Variants in OTUD7B observed in about 807,000 individuals in gnomAD.
OTUD7B encodes OTU deubiquitinase 7B.
A neutral mutation model predicts 82.2 loss-of-function variants in OTUD7B; 34 were observed. The observed-to-expected ratio is 0.41, with a 90% CI of 0.31 to 0.55. The LOEUF (loss-of-function observed/expected upper bound fraction) is 0.55, where lower values mean the gene tolerates loss of function less well. Among genes scored for constraint, OTUD7B ranks in the 20% least tolerant of loss-of-function variants. The pLI, the probability that OTUD7B is intolerant of heterozygous loss-of-function variation, is 0.20. For synonymous variants in OTUD7B, 398 were observed against 402.7 expected (o/e 0.99, Z 0.14); for missense variants, 944 against 1,062.1 (o/e 0.89, Z 1.55).
At chr1:149,984,779 T>A (rs1006803227) in intron 1 of OTUD7B, among the ~76,000 whole-genome samples, 2 of 152,204 alleles carry the variant, frequency 1.3e-5, no homozygotes, top group Non-Finnish European at 2.9e-5. Flanking sequence ...TAGTCCCCAA[T>A]CATCCAAGTC....
the OTUD7B span, among the ~76,000 whole-genome samples, chr1:150,035,957 GT>G: frequency 1.6e-4 from 21 of 134,232 alleles, no homozygotes; most frequent in Non-Finnish European, 2.0e-4. Context: ...CATTGTAACT[GT>G]TTTTTTTTTT....
At chr1:149,955,060 C>T (rs1319362683) in intron 7 of OTUD7B, among the ~76,000 whole-genome samples, 2 of 152,108 alleles carry the variant, frequency 1.3e-5, no homozygotes, top group Admixed American at 1.3e-4. Context: ...CTGCTCTGAT[C>T]TTAGTTATTT....
chr1:149,971,084 G>A lies in OTUD7B; in HGVS notation c.253C>T (p.Arg85Trp), dbSNP rs376031845. The change falls in exon 3 of 12, where the codon CGG becomes TGG. Residue 85 changes from arginine (R) to tryptophan (W), a missense_variant. Arg to Trp is a moderately radical substitution (Grantham distance 101). Transcript: ENST00000581312. ...PTRPPRPILQ[R>W]QDDIVQEKRL... is the part of the protein sequence containing the mutation. ...GTACCTTGAACGATGTCATCCTGCC[G>A]CTGGAGGATGGGTCGGGGAGGGCGA... 269 of 1,608,782 alleles carry A rather than the reference G, an allele frequency of 1.7e-4. No individual in the cohort carries two copies. The highest frequency in any genetic ancestry group is 2.2e-4 in the Non-Finnish European group (260 of 1,176,172).
At position 149,951,001 on chromosome 1, in the gene OTUD7B, T is replaced by TTTTTTTTTTTG. The variant is rs1388877490; in HGVS notation, c.846-781_846-780insCAAAAAAAAAA. The stretch of plus-strand genomic sequence containing the variant: ...TATTTTTTTTTTTTTTTTTTTTTTG[T>TTTTTTTTTTTG]AGATGGAGTCTCACTCTTTCGCCCA... On this transcript the variant is annotated intron_variant, in intron 7 of 11. Coordinates refer to ENST00000581312, the MANE Select transcript of OTUD7B (RefSeq NM_020205.4). Among the ~76,000 whole-genome samples, 123 of 63,586 alleles carry TTTTTTTTTTTG rather than the reference T, an allele frequency of 1.9e-3. 13 individuals are homozygous for TTTTTTTTTTTG. Among genetic ancestry groups the TTTTTTTTTTTG allele is most frequent in the Non-Finnish European group, 2.4e-3 (91 of 37,590 alleles). 41.7% of individuals were successfully genotyped at this position (63,586 alleles called of 152,430 possible).
chr1:150,006,464 A>T (rs776504663), intron 1 of OTUD7B, among the ~76,000 whole-genome samples: 1 of 152,214 alleles, frequency 6.6e-6, no homozygotes, highest in Non-Finnish European at 1.5e-5. Flanking sequence ...CTAAACCTCC[A>T]TAGCACCTAG....
At chr1:149,988,676 C>T (rs1405694474) in intron 1 of OTUD7B, among the ~76,000 whole-genome samples, 1 of 152,130 alleles carries the variant, frequency 6.6e-6, no homozygotes, top group Non-Finnish European at 1.5e-5. Flanking sequence ...TAAATAGAAA[C>T]AAGAATCATG....
upstream of OTUD7B, among the ~76,000 whole-genome samples, chr1:150,013,932 AAAAT>A (rs1406468644): frequency 1.7e-3 from 12 of 7,008 alleles, no homozygotes; most frequent in South Asian, 0.013. Flanking sequence ...AAAAAAAAAA[AAAAT>A]AATATATATA....
At chr1:150,000,188 G>C (rs1652182562) in intron 1 of OTUD7B, among the ~76,000 whole-genome samples, 1 of 152,142 alleles carries the variant, frequency 6.6e-6, no homozygotes, top group African/African-American at 2.4e-5. Context: ...AACAGGGCAA[G>C]TGGGAGCTGG....
the OTUD7B span, among the ~76,000 whole-genome samples, chr1:150,065,350 C>G: frequency 6.6e-6 from 1 of 152,180 alleles, no homozygotes; most frequent in Non-Finnish European, 1.5e-5. Context: ...GTTGGGATTA[C>G]AGGAGTAAGC....
intron 7 of OTUD7B, among the ~76,000 whole-genome samples, chr1:149,955,235 T>C (rs1648581062): frequency 6.6e-6 from 1 of 152,234 alleles, no homozygotes; most frequent in African/African-American, 2.4e-5. Flanking sequence ...GATTCTGGTA[T>C]GTTGTGTCTT....
the OTUD7B span, among the ~76,000 whole-genome samples, chr1:150,023,788 T>C: frequency 2.0e-5 from 3 of 152,248 alleles, no homozygotes; most frequent in Admixed American, 6.5e-5. Flanking sequence ...ATTTCAAATG[T>C]TCTTGCCACA....
chr1:150,032,245 G>A, the OTUD7B span, among the ~76,000 whole-genome samples: 1 of 151,626 alleles, frequency 6.6e-6, no homozygotes, highest in Non-Finnish European at 1.5e-5. Context: ...CCGGGAGGCG[G>A]AGGTTGCAGT....
chr1:150,024,156 T>C, the OTUD7B span, among the ~76,000 whole-genome samples: 1 of 152,234 alleles, frequency 6.6e-6, no homozygotes, highest in Non-Finnish European at 1.5e-5. Flanking sequence ...AAATATTCCA[T>C]TCCACAAGTT....
intron 7 of OTUD7B, among the ~76,000 whole-genome samples, chr1:149,950,999 T>TTTTTTTG: frequency 0.011 from 5 of 440 alleles, 1 homozygote; most frequent in Admixed American, 0.025. Context: ...TTTTTTTTTT[T>TTTTTTTG]GTAGATGGAG....
intron 2 of OTUD7B, among the ~76,000 whole-genome samples, chr1:149,972,784 C>T (rs370122915): frequency 2.2e-4 from 33 of 152,256 alleles, no homozygotes; most frequent in East Asian, 5.8e-4. Context: ...AATGCATGAA[C>T]GAGTGACATC....
chr1:150,046,744 T>C, the OTUD7B span, among the ~76,000 whole-genome samples: 22,539 of 150,260 alleles, frequency 0.15, 1,850 homozygotes, highest in African/African-American at 0.18. Flanking sequence ...CCACCACGTC[T>C]GGCCTCCAGT....
intron 10 of OTUD7B, among the ~76,000 whole-genome samples, chr1:149,947,825 T>C (rs61807552): frequency 0.016 from 2,438 of 152,188 alleles, 30 homozygotes; most frequent in Non-Finnish European, 0.026. Context: ...TTTGCATTCA[T>C]ACACTCTCCA....
chr1:149,999,278 T>C (rs1313658653), intron 1 of OTUD7B, among the ~76,000 whole-genome samples: 1 of 152,160 alleles, frequency 6.6e-6, no homozygotes, highest in East Asian at 1.9e-4. Context: ...TTGTGCCAAA[T>C]AGCCAGGAAT....
the OTUD7B span, among the ~76,000 whole-genome samples, chr1:150,019,728 G>A: frequency 2.6e-5 from 4 of 151,928 alleles, no homozygotes; most frequent in Admixed American, 6.6e-5. Flanking sequence ...TATTATCTTT[G>A]TTATCATTAT....
Sources: gnomAD v4.1 joint callset for allele counts (sites outside exome capture counted in the v4.1 genomes callset) on GRCh38, gnomAD v4.1.1 for gene constraint, MANE v1.5 for transcripts, NCBI Gene and HGNC (gene_info 2026-07-23, HGNC 2026-07-21) for gene names.